FSTL5: variants seen among roughly 807,000 people sequenced by gnomAD.
FSTL5 encodes follistatin-related protein 5.
A neutral mutation model predicts 89.1 loss-of-function variants in FSTL5; 62 were observed. The observed-to-expected ratio is 0.70, with a 90% confidence interval of 0.57 to 0.86. FSTL5 has a LOEUF of 0.86. Among genes scored for constraint, FSTL5 ranks in the 40% least tolerant of loss-of-function variants. The pLI, the probability that FSTL5 is intolerant of heterozygous loss-of-function variation, is 0.00. For missense variants in FSTL5, 1,057 were observed against 1,001.6 expected (o/e 1.06, Z -0.75); for synonymous variants, 383 against 346.2 (o/e 1.11, Z -1.18).
rs577776867 is a variant in FSTL5 at position 162,132,377 on chromosome 4, A to G, written c.-16-20965T>C. On this transcript the variant is annotated intron_variant, in intron 1 of 15. Transcript: ENST00000306100. ...AATTGTCAGTGGCATTAAAAATGTG[A>G]GCTGTAACACTCACCGCGAAGGTCT... Among the ~76,000 whole-genome samples the G allele has an allele frequency of 1.8e-3, 276 of 152,230 alleles. 2 individuals carry two copies. The highest frequency in any genetic ancestry group is 6.4e-3 in the African/African-American group (266 of 41,538).
chr4:161,459,567 C>T (rs1014609143), intron 13 of FSTL5, among the ~76,000 whole-genome samples: 2 of 151,912 alleles, frequency 1.3e-5, no homozygotes, highest in African/African-American at 4.8e-5. Context: ...TTATCATATA[C>T]ATGATAAATA....
intron 10 of FSTL5, among the ~76,000 whole-genome samples, chr4:161,537,203 C>T (rs1578907967): frequency 6.6e-6 from 1 of 152,214 alleles, no homozygotes; most frequent in Non-Finnish European, 1.5e-5. Flanking sequence ...CTGGCTGGAT[C>T]AATGCTTTAA....
At chr4:161,952,427 T>A (rs904946636) in intron 3 of FSTL5, among the ~76,000 whole-genome samples, 8 of 151,968 alleles carry the variant, frequency 5.3e-5, no homozygotes, top group African/African-American at 1.7e-4. Flanking sequence ...CAGAAAATAG[T>A]TTAACTCATC....
intron 4 of FSTL5, among the ~76,000 whole-genome samples, chr4:161,897,018 C>T (rs1453972479): frequency 3.3e-5 from 5 of 151,906 alleles, no homozygotes; most frequent in African/African-American, 4.8e-5. Flanking sequence ...CTGCAACCTC[C>T]GCCTCCTGGG....
chr4:162,019,700 A>C (rs1416802869), intron 3 of FSTL5, among the ~76,000 whole-genome samples: 1 of 151,494 alleles, frequency 6.6e-6, no homozygotes, highest in African/African-American at 2.4e-5. Flanking sequence ...AAGATACAAA[A>C]GTGGATTTCT....
At chr4:161,639,784 G>A (rs1332554774) in intron 7 of FSTL5, among the ~76,000 whole-genome samples, 1 of 152,130 alleles carries the variant, frequency 6.6e-6, no homozygotes, top group Non-Finnish European at 1.5e-5. Context: ...GGCTGGGAAA[G>A]GGGATCCTGT....
At chr4:161,476,309 TC>T (rs1265325696) in intron 13 of FSTL5, among the ~76,000 whole-genome samples, 1 of 151,076 alleles carries the variant, frequency 6.6e-6, no homozygotes, top group African/African-American at 2.4e-5. Context: ...TGCCTCAGCC[TC>T]CCAAGTAGCC....
chr4:161,570,816 G>C (rs982494387), intron 8 of FSTL5, among the ~76,000 whole-genome samples: 2 of 152,118 alleles, frequency 1.3e-5, no homozygotes, highest in Non-Finnish European at 2.9e-5. Context: ...GAAATCTATG[G>C]AGTTAAGGCT....
At chr4:162,125,054 T>C (rs1041817760) in intron 1 of FSTL5, among the ~76,000 whole-genome samples, 5 of 152,292 alleles carry the variant, frequency 3.3e-5, no homozygotes, top group Admixed American at 2.0e-4. Flanking sequence ...AGCCCACTGA[T>C]TGTCCTACAG....
intron 3 of FSTL5, among the ~76,000 whole-genome samples, chr4:162,008,600 A>G (rs1485668199): frequency 6.6e-6 from 1 of 151,938 alleles, no homozygotes; most frequent in East Asian, 1.9e-4. Flanking sequence ...AAACAATGAC[A>G]TAATCACTGA....
chr4:161,858,463 G>A (rs1310015536), intron 4 of FSTL5, among the ~76,000 whole-genome samples: 1 of 152,096 alleles, frequency 6.6e-6, no homozygotes, highest in Admixed American at 6.6e-5. Context: ...ATAACATAGT[G>A]AGCAAAAGCA....
At chr4:162,020,158 A>G (rs1032072176) in intron 3 of FSTL5, among the ~76,000 whole-genome samples, 1 of 151,922 alleles carries the variant, frequency 6.6e-6, no homozygotes, top group African/African-American at 2.4e-5. Flanking sequence ...GAAAAAATAT[A>G]TGATTATCCA....
chr4:161,865,666 T>C (rs960868484), intron 4 of FSTL5, among the ~76,000 whole-genome samples: 1 of 152,142 alleles, frequency 6.6e-6, no homozygotes, highest in Non-Finnish European at 1.5e-5. Context: ...CTTTCAAAAG[T>C]CTTAAAAGCC....
intron 7 of FSTL5, among the ~76,000 whole-genome samples, chr4:161,631,179 C>A (rs1477060651): frequency 6.6e-6 from 1 of 152,112 alleles, no homozygotes; most frequent in African/African-American, 2.4e-5. Context: ...ATAATATATG[C>A]CCATTTCTAC....
chr4:162,108,284 C>T (rs1731300858), intron 2 of FSTL5, among the ~76,000 whole-genome samples: 2 of 152,078 alleles, frequency 1.3e-5, no homozygotes, highest in African/African-American at 2.4e-5. Flanking sequence ...AAATGATATG[C>T]CTGCATATTT....
chr4:161,571,674 G>A (rs1383251203), intron 8 of FSTL5, among the ~76,000 whole-genome samples: 5 of 152,102 alleles, frequency 3.3e-5, no homozygotes, highest in African/African-American at 7.2e-5. Flanking sequence ...AGGATCCCCC[G>A]GAGGATACAG....
chr4:161,878,233 G>C (rs186714297), intron 4 of FSTL5, among the ~76,000 whole-genome samples: 1 of 151,962 alleles, frequency 6.6e-6, no homozygotes, highest in Non-Finnish European at 1.5e-5. Context: ...AAAATTATGA[G>C]TCACAGTTTA....
At chr4:161,605,692 T>C (rs375832084) in intron 7 of FSTL5, among the ~76,000 whole-genome samples, 1 of 152,212 alleles carries the variant, frequency 6.6e-6, no homozygotes, top group African/African-American at 2.4e-5. Context: ...TGACTGAAAA[T>C]TGAAATGTCT....
At chr4:162,110,908 T>TA (rs1731409787) in intron 2 of FSTL5, among the ~76,000 whole-genome samples, 2 of 151,962 alleles carry the variant, frequency 1.3e-5, no homozygotes, top group African/African-American at 4.8e-5. Flanking sequence ...GCATAGGACA[T>TA]AACACTTATT....
Sources: allele counts gnomAD v4.1 joint callset (sites outside exome capture counted in the v4.1 genomes callset), GRCh38; gene constraint gnomAD v4.1.1; transcripts MANE v1.5; gene names NCBI Gene and HGNC (gene_info 2026-07-23, HGNC 2026-07-21).